COX7B2: variants seen among roughly 807,000 people sequenced by gnomAD.
COX7B2 encodes cytochrome c oxidase subunit 7B2, mitochondrial.
For missense variants in COX7B2, 109 were observed against 95.9 expected (o/e 1.14, Z -0.57); for synonymous variants, 37 against 32.1 (o/e 1.15, Z -0.51).
At chr4:46,784,147 C>T (rs1717625961) in intron 2 of COX7B2, among the ~76,000 whole-genome samples, 1 of 152,058 alleles carries the variant, frequency 6.6e-6, no homozygotes, top group East Asian at 1.9e-4. Context: ...TCATCAGAAC[C>T]TCATGGAATA....
intron 1 of COX7B2, among the ~76,000 whole-genome samples, chr4:46,883,140 T>C (rs776154943): frequency 2.0e-5 from 3 of 152,244 alleles, no homozygotes; most frequent in Non-Finnish European, 4.4e-5. Flanking sequence ...GTAAAGCCGG[T>C]AGCAATACTA....
At chr4:46,741,717 T>A (rs772934795) in intron 2 of COX7B2, among the ~76,000 whole-genome samples, 5 of 152,078 alleles carry the variant, frequency 3.3e-5, no homozygotes, top group Non-Finnish European at 7.4e-5. Context: ...GCTTACCCCC[T>A]ATAAAATAAA....
intron 2 of COX7B2, among the ~76,000 whole-genome samples, chr4:46,785,517 C>G (rs937154522): frequency 2.0e-5 from 3 of 152,084 alleles, no homozygotes; most frequent in Non-Finnish European, 4.4e-5. Flanking sequence ...GGACTACAGG[C>G]ACCCGCCACC....
chr4:46,787,266 G>T (rs1434987839), intron 2 of COX7B2, among the ~76,000 whole-genome samples: 1 of 152,042 alleles, frequency 6.6e-6, no homozygotes, highest in Admixed American at 6.6e-5. Context: ...CGACCAATAT[G>T]GAGAAACCCC....
intron 1 of COX7B2, among the ~76,000 whole-genome samples, chr4:46,846,179 CTG>C (rs1205234236): frequency 2.0e-5 from 3 of 152,042 alleles, no homozygotes; most frequent in Non-Finnish European, 2.9e-5. Flanking sequence ...ACAAGACTAA[CTG>C]CGTTATTTGT....
chr4:46,745,599 C>A (rs1156667048), intron 2 of COX7B2, among the ~76,000 whole-genome samples: 1 of 152,118 alleles, frequency 6.6e-6, no homozygotes, highest in African/African-American at 2.4e-5. Flanking sequence ...GCCAGAGGGG[C>A]AAACTTTGGT....
chr4:46,893,908 T>C (rs796239001), intron 1 of COX7B2, among the ~76,000 whole-genome samples: 14 of 152,214 alleles, frequency 9.2e-5, no homozygotes, highest in African/African-American at 3.4e-4. Context: ...GTCAATCCCA[T>C]TCAGAACTGA....
At chr4:46,843,261 A>C (rs923706589) in intron 2 of COX7B2, among the ~76,000 whole-genome samples, 5 of 152,092 alleles carry the variant, frequency 3.3e-5, no homozygotes, top group African/African-American at 9.7e-5. Context: ...AGAAATAATA[A>C]TACCACATTC....
At chr4:46,831,298 G>A (rs560808821) in intron 2 of COX7B2, among the ~76,000 whole-genome samples, 15 of 152,276 alleles carry the variant, frequency 9.9e-5, no homozygotes, top group African/African-American at 2.9e-4. Flanking sequence ...AGGACCTGCA[G>A]CCTGCCATGC....
intron 1 of COX7B2, among the ~76,000 whole-genome samples, chr4:46,905,765 G>A (rs1720338922): frequency 1.3e-5 from 2 of 149,122 alleles, no homozygotes; most frequent in African/African-American, 4.9e-5. Context: ...GCTAAAGGTG[G>A]ACTCTATCTT....
At chr4:46,780,776 A>C (rs1486726021) in intron 2 of COX7B2, among the ~76,000 whole-genome samples, 1 of 152,156 alleles carries the variant, frequency 6.6e-6, no homozygotes, top group Non-Finnish European at 1.5e-5. Context: ...TATTTGAACA[A>C]CTGTTAAACC....
At chr4:46,889,640 A>G (rs1429399320) in intron 1 of COX7B2, among the ~76,000 whole-genome samples, 1 of 152,224 alleles carries the variant, frequency 6.6e-6, no homozygotes, top group Non-Finnish European at 1.5e-5. Flanking sequence ...CAATGTGGAC[A>G]GAACAAAGTC....
chr4:46,904,498 A>T (rs1720258468), intron 1 of COX7B2, among the ~76,000 whole-genome samples: 1 of 152,172 alleles, frequency 6.6e-6, no homozygotes, highest in Admixed American at 6.5e-5. Flanking sequence ...AATTAAAACA[A>T]CACTGAGATA....
intron 1 of COX7B2, among the ~76,000 whole-genome samples, chr4:46,898,369 C>T (rs983439799): frequency 9.9e-5 from 15 of 152,068 alleles, no homozygotes; most frequent in East Asian, 3.9e-4. Flanking sequence ...TTAAATTATT[C>T]CAGTATTTCC....
intron 2 of COX7B2, among the ~76,000 whole-genome samples, chr4:46,766,454 C>A (rs1185259859): frequency 1.3e-5 from 2 of 151,968 alleles, no homozygotes; most frequent in Non-Finnish European, 2.9e-5. Context: ...AGTCCCAGCA[C>A]TTTGGGAAGC....
chr4:46,869,216 T>G (rs566461440), intron 1 of COX7B2, among the ~76,000 whole-genome samples: 7 of 152,226 alleles, frequency 4.6e-5, no homozygotes, highest in Non-Finnish European at 1.0e-4. Context: ...GTTTTCTGTT[T>G]GCTTGGTAGA....
At chr4:46,785,674 A>G (rs528883397) in intron 2 of COX7B2, among the ~76,000 whole-genome samples, 101 of 152,362 alleles carry the variant, frequency 6.6e-4, no homozygotes, top group African/African-American at 2.4e-3. Context: ...AATTAAAAGC[A>G]ATGACAAGCA....
intron 2 of COX7B2, among the ~76,000 whole-genome samples, chr4:46,782,487 G>GTGTCTAGC (rs1278576908): frequency 6.6e-5 from 10 of 152,046 alleles, no homozygotes; most frequent in South Asian, 2.1e-4. Flanking sequence ...TCAGCTCTCT[G>GTGTCTAGC]TAAAATGGGC....
chr4:46,870,593 C>A (rs1327064214), intron 1 of COX7B2, among the ~76,000 whole-genome samples: 1 of 152,208 alleles, frequency 6.6e-6, no homozygotes, highest in East Asian at 1.9e-4. Context: ...CTCATAGTCT[C>A]AGCCCAAAAG....
Sources: allele counts gnomAD v4.1 joint callset (sites outside exome capture counted in the v4.1 genomes callset), GRCh38; gene constraint gnomAD v4.1.1; transcripts MANE v1.5; gene names NCBI Gene and HGNC (gene_info 2026-07-23, HGNC 2026-07-21).